STAG1: variants seen among roughly 807,000 people sequenced by gnomAD.
STAG1 encodes the protein cohesin subunit SA-1.
A neutral mutation model predicts 170.9 loss-of-function variants in STAG1; 26 were observed. That is an observed-to-expected ratio of 0.15 (90% CI 0.11 to 0.21). The LOEUF is 0.21. STAG1 is among the 10% of genes least tolerant of loss of function. The probability of loss-of-function intolerance (pLI) is 1.00; values close to 1 mark genes in which losing one functional copy is unlikely to be tolerated. For missense variants in STAG1, 964 were observed against 1,509.5 expected (o/e 0.64, Z 5.99); for synonymous variants, 514 against 497.7 (o/e 1.03, Z -0.44).
chr3:136,589,574 T>G (rs1938040032), intron 4 of STAG1, among the ~76,000 whole-genome samples: 1 of 146,800 alleles, frequency 6.8e-6, no homozygotes, highest in African/African-American at 2.6e-5. Flanking sequence ...GAGGCGGAGG[T>G]TGCAGTGAGC....
intron 7 of STAG1, among the ~76,000 whole-genome samples, chr3:136,516,361 A>G (rs1412481346): frequency 2.0e-5 from 3 of 152,028 alleles, no homozygotes; most frequent in Non-Finnish European, 4.4e-5. Context: ...CAAAAAAATT[A>G]GCCGGATGTG....
intron 4 of STAG1, among the ~76,000 whole-genome samples, chr3:136,593,718 A>C (rs1451726799): frequency 6.6e-6 from 1 of 152,210 alleles, no homozygotes; most frequent in Non-Finnish European, 1.5e-5. Context: ...AAGACTCTAA[A>C]TGTTTAGAAT....
At chr3:136,589,540 G>C (rs867385292) in intron 4 of STAG1, among the ~76,000 whole-genome samples, 1 of 143,558 alleles carries the variant, frequency 7.0e-6, no homozygotes, top group Non-Finnish European at 1.5e-5. Flanking sequence ...AAATAGGCCA[G>C]ACAGCAGAAT....
intron 6 of STAG1, among the ~76,000 whole-genome samples, chr3:136,531,222 A>G (rs994121334): frequency 4.6e-5 from 7 of 150,764 alleles, no homozygotes; most frequent in African/African-American, 7.3e-5. Context: ...ACCATCTCAC[A>G]CCAGTTAGAA....
chr3:136,691,231 C>T (rs1430714540), intron 1 of STAG1, among the ~76,000 whole-genome samples: 1 of 151,802 alleles, frequency 6.6e-6, no homozygotes, highest in African/African-American at 2.4e-5. Flanking sequence ...GTCAGGAGAT[C>T]GAGACCATCC....
chr3:136,668,389 A>T (rs1409144909), intron 1 of STAG1, among the ~76,000 whole-genome samples: 1 of 146,352 alleles, frequency 6.8e-6, no homozygotes, highest in Non-Finnish European at 1.5e-5. Flanking sequence ...CATAATATAT[A>T]AAATATATAT....
intron 1 of STAG1, among the ~76,000 whole-genome samples, chr3:136,642,609 GA>G (rs1576705319): frequency 1.3e-5 from 2 of 152,142 alleles, no homozygotes; most frequent in East Asian, 1.9e-4. Context: ...AGAAACTGCT[GA>G]TAAAACCAGA....
intron 6 of STAG1, among the ~76,000 whole-genome samples, chr3:136,530,133 A>G (rs1451937260): frequency 6.6e-6 from 1 of 152,236 alleles, no homozygotes; most frequent in African/African-American, 2.4e-5. Context: ...ACAGTCATAA[A>G]GACAAAGGTC....
chr3:136,576,904 GAGAA>G (rs1937483259), intron 4 of STAG1, among the ~76,000 whole-genome samples: 1 of 152,188 alleles, frequency 6.6e-6, no homozygotes. Context: ...GTTTGCTTTG[GAGAA>G]AGATAGATTC....
At chr3:136,691,021 G>A (rs564649107) in intron 1 of STAG1, among the ~76,000 whole-genome samples, 2 of 151,838 alleles carry the variant, frequency 1.3e-5, no homozygotes, top group Admixed American at 1.3e-4. Flanking sequence ...CAGTTGGCTG[G>A]GCATGGTGGC....
chr3:136,550,031 T>C (rs930147520), intron 5 of STAG1, among the ~76,000 whole-genome samples: 7 of 152,156 alleles, frequency 4.6e-5, no homozygotes, highest in African/African-American at 1.7e-4. Flanking sequence ...TAGTCTTTTG[T>C]TTAGGACTTT....
At chr3:136,682,466 C>T (rs1942370309) in intron 1 of STAG1, among the ~76,000 whole-genome samples, 1 of 149,560 alleles carries the variant, frequency 6.7e-6, no homozygotes, top group African/African-American at 2.5e-5. Flanking sequence ...TATATATACA[C>T]ATATGGACAG....
At chr3:136,458,177 G>C (rs1165695983) in intron 13 of STAG1, among the ~76,000 whole-genome samples, 6 of 151,920 alleles carry the variant, frequency 3.9e-5, no homozygotes, top group Admixed American at 1.3e-4. Context: ...TTTGTTTTGA[G>C]AGTGAGTCTT....
At chr3:136,666,256 C>G (rs879761923) in intron 1 of STAG1, among the ~76,000 whole-genome samples, 4 of 151,918 alleles carry the variant, frequency 2.6e-5, no homozygotes, top group Admixed American at 2.0e-4. Context: ...GCTGATTCTC[C>G]CCTAGAGCCT....
At chr3:136,667,080 A>G (rs889024615) in intron 1 of STAG1, among the ~76,000 whole-genome samples, 1 of 152,250 alleles carries the variant, frequency 6.6e-6, no homozygotes, top group Admixed American at 6.5e-5. Context: ...TTTTAAAATC[A>G]ATTTTTACTC....
In STAG1 at chr3:136,421,079, A is replaced by C. The variant is rs1252471512; in HGVS notation, c.2108+14T>G. On this transcript the variant is annotated intron_variant, in intron 20 of 33. Transcript: ENST00000383202. ...AGCCACCTCGTTGCCTTTACTTTAA[A>C]TAAAATAACGTACTTGTGAAAAGAA... The C allele has an allele frequency of 3.8e-6, 6 of 1,570,440 alleles. No homozygotes were observed. Among genetic ancestry groups the C allele is most frequent in the South Asian group, 1.1e-5 (1 of 87,536 alleles).
At chr3:136,627,099 A>T (rs1213542666) in intron 2 of STAG1, among the ~76,000 whole-genome samples, 1 of 152,190 alleles carries the variant, frequency 6.6e-6, no homozygotes, top group African/African-American at 2.4e-5. Flanking sequence ...TGATGCCCCT[A>T]CCAAGAGTCA....
At chr3:136,412,040 A>C (rs936974792) in intron 21 of STAG1, among the ~76,000 whole-genome samples, 1 of 152,120 alleles carries the variant, frequency 6.6e-6, no homozygotes, top group Non-Finnish European at 1.5e-5. Context: ...ACAAACAAAC[A>C]AACAAAATCT....
intron 9 of STAG1, among the ~76,000 whole-genome samples, chr3:136,493,755 A>G (rs2090164565): frequency 6.6e-6 from 1 of 152,098 alleles, no homozygotes; most frequent in Admixed American, 6.5e-5. Flanking sequence ...GTCCATTATT[A>G]TTTGAAAAGA....
Sources: allele counts gnomAD v4.1 joint callset (sites outside exome capture counted in the v4.1 genomes callset), GRCh38; gene constraint gnomAD v4.1.1; transcripts MANE v1.5; gene names NCBI Gene and HGNC (gene_info 2026-07-23, HGNC 2026-07-21).